IBTK: variants seen among roughly 807,000 people sequenced by gnomAD.
IBTK encodes inhibitor of Bruton tyrosine kinase, also known as BTK-binding protein.
IBTK carries 83 observed loss-of-function variants against 154.9 expected under a neutral mutation model. The ratio of observed to expected loss-of-function variants is 0.54; its 90% confidence interval spans 0.45 to 0.64. The LOEUF (loss-of-function observed/expected upper bound fraction) is 0.64, where lower values mean the gene tolerates loss of function less well. IBTK is among the 30% of genes least tolerant of loss of function. The pLI, the probability that IBTK is intolerant of heterozygous loss-of-function variation, is 0.00. For missense variants in IBTK, 1,332 were observed against 1,584.6 expected, an observed-to-expected ratio of 0.84 and a Z score of 2.71; for synonymous variants, 515 against 536.1, an observed-to-expected ratio of 0.96 and a Z score of 0.54.
At chr6:82,198,950 T>C (rs2127806791) in intron 21 of IBTK, among the ~76,000 whole-genome samples, 1 of 152,130 alleles carries the variant, frequency 6.6e-6, no homozygotes, top group Non-Finnish European at 1.5e-5. Flanking sequence ...ACTAAAGAGA[T>C]ACTAATAAGC....
At chr6:82,237,668 G>GAAGA (rs1770780366) in intron 2 of IBTK, among the ~76,000 whole-genome samples, 2 of 149,108 alleles carry the variant, frequency 1.3e-5, no homozygotes, top group African/African-American at 4.9e-5. Flanking sequence ...AGTGGTAGTA[G>GAAGA]TAGTAGTAGT....
rs151197301 is a variant in IBTK at position 82,200,587 on chromosome 6, G to A, written c.2912C>T (p.Ser971Leu). 2.5e-5 allele frequency: 39 copies of A among 1,539,672 alleles called. No homozygotes were observed. Among genetic ancestry groups the A allele is most frequent in the African/African-American group, 2.4e-4 (17 of 71,034 alleles). Residue 971 changes from serine to leucine, a missense_variant and splice_region_variant, in exon 20 of 29, where the codon TCG (serine) becomes TTG (leucine). Coordinates refer to ENST00000306270, the MANE Select transcript of IBTK (RefSeq NM_015525.4). ...AAAAAAAAAAAAGAAAACAGCTTACGAATGATTTTGTTCCATATTTATTTC... is the reference window on the plus strand; with the variant it reads ...AAAAAAAAAAAAGAAAACAGCTTACAAATGATTTTGTTCCATATTTATTTC... Reference protein sequence around the residue: ...KEEINMEQNHSETMFKKAKTK... With the variant: ...KEEINMEQNHLETMFKKAKTK...
chr6:82,233,710 A>AAT (rs761245319), intron 3 of IBTK, among the ~76,000 whole-genome samples: 1 of 129,614 alleles, frequency 7.7e-6, no homozygotes, highest in African/African-American at 2.9e-5. Flanking sequence ...ACATTTGTAA[A>AAT]GTTTTTTTTT....
Position 82,216,157 on chromosome 6 carries a change from G to A in IBTK, c.1520C>T (p.Thr507Ile), listed in dbSNP as rs1210880484. 6.2e-7 allele frequency: 1 copy of A among 1,613,344 alleles called. No individual in the cohort carries two copies. Among genetic ancestry groups the A allele is most frequent in the South Asian group, 1.1e-5 (1 of 90,968 alleles). ...GACACTAACAGCTCTATGTGCAAAG[G>A]TAAGTTTCTCAAGTCGAATTCTTTC... ...VYERIRLEKL[T>I]FAHRAVSVST... The change falls in exon 11 of 29, where the codon ACC becomes ATC. Residue 507 changes from threonine to isoleucine, a missense_variant. By Grantham distance (89) the Thr-to-Ile change is moderately conservative. This residue lies in a region of IBTK where 1,134 missense variants were observed against 1,274.7 expected (regional missense o/e 0.89). Coordinates refer to ENST00000306270, the MANE Select transcript of IBTK (RefSeq NM_015525.4).
Position 82,191,066 on chromosome 6 carries a change from A to C in IBTK, c.3575+7T>G, listed in dbSNP as rs1768748972. 2 of 1,516,024 alleles carry C rather than the reference A, an allele frequency of 1.3e-6. No individual in the cohort carries two copies. The highest frequency in any genetic ancestry group is 1.8e-6 in the Non-Finnish European group (2 of 1,134,906). 93.9% of individuals were successfully genotyped at this position (1,516,024 alleles called of 1,614,324 possible). On this transcript the variant is annotated splice_region_variant and intron_variant, in intron 25 of 28. Transcript: ENST00000306270. ...CTATATTAATTTTAATAAAAATAAG[A>C]GCATACCATGCATTCACTGGTTTGG...
intron 25 of IBTK, among the ~76,000 whole-genome samples, chr6:82,190,204 A>G (rs1166950295): frequency 6.6e-6 from 1 of 152,204 alleles, no homozygotes; most frequent in Non-Finnish European, 1.5e-5. Context: ...CATTTAGAAT[A>G]AAATTATTTG....
chr6:82,199,272 GGAGGA>G (rs1425468320), intron 21 of IBTK, among the ~76,000 whole-genome samples: 1 of 151,886 alleles, frequency 6.6e-6, no homozygotes, highest in Non-Finnish European at 1.5e-5. Context: ...TGTAACACAT[GGAGGA>G]AAGAGGAGAC....
chr6:82,209,333 C>G (rs974121923), intron 16 of IBTK, among the ~76,000 whole-genome samples: 6 of 152,184 alleles, frequency 3.9e-5, no homozygotes, highest in Non-Finnish European at 8.8e-5. Context: ...CATCCATCAA[C>G]TGATGAATAA....
intron 21 of IBTK, among the ~76,000 whole-genome samples, chr6:82,196,872 T>C (rs945556725): frequency 1.3e-5 from 2 of 152,228 alleles, no homozygotes; most frequent in African/African-American, 4.8e-5. Flanking sequence ...AGCTTCATTC[T>C]ATGTGGGAGG....
rs1769210002 is a variant in IBTK at position 82,201,500 on chromosome 6, A to G, written c.2730-18T>C. On this transcript the variant is annotated intron_variant, in intron 18 of 28. Transcript: ENST00000306270. Reference sequence around the variant, plus strand: ...CAAGAGACCTAAAATATAGGATACAAAATTCTATCTTAAGATTCAAGTGAC... The same window carrying G: ...CAAGAGACCTAAAATATAGGATACAGAATTCTATCTTAAGATTCAAGTGAC... 2.6e-6 allele frequency: 4 copies of G among 1,550,450 alleles called. No individual in the cohort carries two copies. The highest frequency in any genetic ancestry group is 2.7e-6 in the Non-Finnish European group (3 of 1,130,426).
Position 82,202,562 on chromosome 6 carries a change from T to C in IBTK, c.2695A>G (p.Ile899Val). 1 of 1,609,212 alleles carries C rather than the reference T, an allele frequency of 6.2e-7. No individual in the cohort carries two copies. The highest frequency in any genetic ancestry group is 8.5e-7 in the Non-Finnish European group (1 of 1,177,236). Residue 899 changes from isoleucine to valine, a missense_variant, in exon 18 of 29, where the codon ATA becomes GTA. Physicochemically the swap from Ile to Val is conservative, Grantham distance 29 (BLOSUM62 3). Transcript: ENST00000306270. ...KQLKLSCLQF[I>V]GLNMAALLEA... ...AGTAAAGCTGCCATATTCAATCCTA[T>C]AAACTGTAAACAAGACAGTTTCAAC... is the stretch of plus-strand genomic sequence containing the variant.
chr6:82,193,422 C>T (rs10455399), intron 23 of IBTK, among the ~76,000 whole-genome samples: 19 of 139,446 alleles, frequency 1.4e-4, no homozygotes, highest in African/African-American at 3.7e-4. Flanking sequence ...AATTTGTGTA[C>T]TTATGCAAAA....
chr6:82,195,413 T>C (rs1768943957), intron 22 of IBTK, among the ~76,000 whole-genome samples: 1 of 151,850 alleles, frequency 6.6e-6, no homozygotes, highest in South Asian at 2.1e-4. Flanking sequence ...CCATCTCTAC[T>C]AAAAATATAA....
At chr6:82,236,471 A>C (rs1047092323) in intron 2 of IBTK, among the ~76,000 whole-genome samples, 1 of 152,238 alleles carries the variant, frequency 6.6e-6, no homozygotes, top group Non-Finnish European at 1.5e-5. Context: ...GCAATGGTTT[A>C]GCAACAACAG....
At chr6:82,188,734 T>G (rs1768645288) in intron 25 of IBTK, among the ~76,000 whole-genome samples, 1 of 152,054 alleles carries the variant, frequency 6.6e-6, no homozygotes, top group Admixed American at 6.6e-5. Flanking sequence ...GGCATATATG[T>G]GGACAATAGA....
intron 1 of IBTK, among the ~76,000 whole-genome samples, chr6:82,246,329 C>T (rs1582269576): frequency 6.6e-6 from 1 of 151,810 alleles, no homozygotes; most frequent in African/African-American, 2.4e-5. Context: ...CCATGCCTGG[C>T]TGATTTTTTT....
At chr6:82,216,914 A>G (rs1249948754) in intron 10 of IBTK, among the ~76,000 whole-genome samples, 5 of 152,194 alleles carry the variant, frequency 3.3e-5, no homozygotes, top group African/African-American at 1.2e-4. Context: ...AATTTACATG[A>G]ATGAAATGAT....
chr6:82,240,372 T>C lies in IBTK; in HGVS notation c.115A>G (p.Ser39Gly). Residue 39 changes from serine to glycine, a missense_variant, in exon 2 of 29, where the codon AGT becomes GGT. Around this residue, in one of 3 missense-constraint regions of IBTK, gnomAD observed 84 missense variants for 96.2 expected, o/e 0.87. Transcript: ENST00000306270. The stretch of plus-strand genomic sequence containing the variant: ...ATAGTTGCAGCATTGTAACAATGAC[T>C]GGAGAGAAAGGCCTTAATCTGGTTT... ...SENQIKAFLSSHCYNAATIKD... is the reference protein window; with the variant it reads ...SENQIKAFLSGHCYNAATIKD... 2 of 1,614,212 alleles carry C rather than the reference T, an allele frequency of 1.2e-6. No homozygotes were observed. Among genetic ancestry groups the C allele is most frequent in the Non-Finnish European group, 8.5e-7 (1 of 1,180,036 alleles).
chr6:82,245,575 T>C (rs1462550477), intron 1 of IBTK, among the ~76,000 whole-genome samples: 2 of 151,818 alleles, frequency 1.3e-5, no homozygotes, highest in Non-Finnish European at 2.9e-5. Flanking sequence ...AAGAGTACCA[T>C]ATGTGTTGGC....
Sources: gnomAD v4.1 joint callset for allele counts (sites outside exome capture counted in the v4.1 genomes callset) on GRCh38, gnomAD v4.1.1 for gene constraint, gnomAD v4.1.1 regional missense constraint, MANE v1.5 for transcripts, NCBI Gene and HGNC (gene_info 2026-07-23, HGNC 2026-07-21) for gene names.